The following DECR1 variants were observed in gnomAD, a reference collection of about 807,000 sequenced individuals.
The protein encoded by DECR1 is 2,4-dienoyl-CoA reductase 1, also known as 2,4-dienoyl-CoA reductase [(3E)-enoyl-CoA-producing], mitochondrial.
DECR1 carries 44 observed loss-of-function variants against 38.8 expected under a neutral mutation model. That is an observed-to-expected ratio of 1.13 (90% CI 0.89 to 1.46). The LOEUF is 1.46. Ranked by LOEUF, DECR1 falls within the 40% of genes most tolerant of loss-of-function variation. DECR1 has a pLI of 0.00. For synonymous variants in DECR1, 148 were observed against 135.2 expected, an observed-to-expected ratio of 1.09 and a Z score of -0.66; for missense variants, 428 against 405.5, an observed-to-expected ratio of 1.06 and a Z score of -0.48.
intron 1 of DECR1, among the ~76,000 whole-genome samples, chr8:90,007,920 A>G (rs1214021235): frequency 2.0e-5 from 3 of 152,228 alleles, no homozygotes; most frequent in Non-Finnish European, 4.4e-5. Context: ...GTAAGTCTAG[A>G]ATACAAGGTC....
intron 1 of DECR1, among the ~76,000 whole-genome samples, chr8:90,007,645 G>A (rs924886470): frequency 6.6e-6 from 1 of 152,010 alleles, no homozygotes; most frequent in African/African-American, 2.4e-5. Context: ...AAACTACAAA[G>A]CAAACTTTAT....
At position 90,036,841 on chromosome 8, in the gene DECR1, G is replaced by A; in HGVS notation, c.566G>A (p.Gly189Glu). ...IGKQLIKAQKGAAFLSITTIY... is the reference protein window; with the variant it reads ...IGKQLIKAQKEAAFLSITTIY... ...CAACTGTATCCTTTTAAAATTTCAGGAGCAGCATTTCTTTCTATTACTACT... is the reference window on the plus strand; with the variant it reads ...CAACTGTATCCTTTTAAAATTTCAGAAGCAGCATTTCTTTCTATTACTACT... Residue 189 changes from glycine to glutamate, a missense_variant and splice_region_variant, in exon 6 of 10, where the codon GGA (glycine) becomes GAA (glutamate). Physicochemically the swap from Gly to Glu is moderately conservative, Grantham distance 98 (BLOSUM62 -2). Coordinates refer to ENST00000220764, the MANE Select transcript of DECR1 (RefSeq NM_001359.2). 6.2e-7 allele frequency: 1 copy of A among 1,607,118 alleles called. No individual in the cohort carries two copies. Among genetic ancestry groups the A allele is most frequent in the East Asian group, 2.2e-5 (1 of 44,814 alleles).
chr8:90,022,272 T>A (rs1476203145), intron 5 of DECR1, among the ~76,000 whole-genome samples: 2 of 152,134 alleles, frequency 1.3e-5, no homozygotes, highest in Non-Finnish European at 2.9e-5. Flanking sequence ...TTTCTTCTTT[T>A]GTGCAGCGCA....
At chr8:90,022,895 G>A (rs547902940) in intron 5 of DECR1, among the ~76,000 whole-genome samples, 1 of 151,818 alleles carries the variant, frequency 6.6e-6, no homozygotes, top group Non-Finnish European at 1.5e-5. Context: ...CATCACATTG[G>A]ATTAAAATTC....
At chr8:90,047,917 C>T (rs529990919) in intron 8 of DECR1, among the ~76,000 whole-genome samples, 75 of 152,208 alleles carry the variant, frequency 4.9e-4, no homozygotes, top group South Asian at 8.3e-4. Flanking sequence ...AACTGAACAA[C>T]CTGTTCCTGA....
Position 90,017,339 on chromosome 8 carries a change from C to T in DECR1, c.272+13C>T, listed in dbSNP as rs1055874075. ...TGATAGCCAGCCGGTAAGTCCCTTA[C>T]ATCAAGCCTATTGGCGACGCTTTTG... On this transcript the variant is annotated intron_variant, in intron 2 of 9. Transcript: ENST00000220764. 2 of 1,607,736 alleles carry T rather than the reference C, an allele frequency of 1.2e-6. No individual in the cohort carries two copies. The highest frequency in any genetic ancestry group is 1.1e-5 in the South Asian group (1 of 90,018).
At chr8:90,018,801 T>G in intron 2 of DECR1, 108 bp from the exon 3 acceptor site, 1 of 880,712 alleles carries the variant, frequency 1.1e-6, no homozygotes, top group African/African-American at 1.7e-5. Context: ...ATAAATAACA[T>G]CTATACTTTC....
intron 1 of DECR1, 130 bp downstream of exon 1, chr8:90,001,691 T>G (rs1586128400): frequency 1.3e-6 from 1 of 751,894 alleles, no homozygotes. Context: ...GGACAGGGCG[T>G]CCCGGGGGTT....
rs1480958235 is a variant in DECR1, at chr8:90,017,284, C to G, written c.230C>G (p.Thr77Ser). The G allele has an allele frequency of 6.2e-7, 1 of 1,614,180 alleles. No homozygotes were observed. The highest frequency in any genetic ancestry group is 1.7e-5 in the Admixed American group (1 of 60,020). The change falls in exon 2 of 10, where the codon ACT (threonine) becomes AGT (serine). Residue 77 changes from threonine to serine, a missense_variant. Transcript: ENST00000220764. ...GGTGLGKGMT[T>S]LLSSLGAQCV... Reference sequence around the variant, plus strand: ...ACTGGCCTTGGTAAAGGAATGACAACTCTTCTGTCCAGCCTAGGTGCTCAG... The same window carrying G: ...ACTGGCCTTGGTAAAGGAATGACAAGTCTTCTGTCCAGCCTAGGTGCTCAG...
At chr8:90,004,639 G>T (rs1387147669) in intron 1 of DECR1, among the ~76,000 whole-genome samples, 1 of 152,098 alleles carries the variant, frequency 6.6e-6, no homozygotes, top group African/African-American at 2.4e-5. Context: ...AAACCAACTA[G>T]ATGTGTTTTC....
At chr8:90,001,825 C>G (rs1382247117) in intron 1 of DECR1, among the ~76,000 whole-genome samples, 1 of 150,206 alleles carries the variant, frequency 6.7e-6, no homozygotes, top group Non-Finnish European at 1.5e-5. Flanking sequence ...TTCTGGAGCG[C>G]TAAGAGAGCA....
At chr8:90,049,440 G>A (rs1229736825) in intron 8 of DECR1, among the ~76,000 whole-genome samples, 2 of 152,088 alleles carry the variant, frequency 1.3e-5, no homozygotes, top group South Asian at 2.1e-4. Flanking sequence ...GCTTCAAAGA[G>A]AATAAAATAC....
At position 90,001,522 on chromosome 8, in the gene DECR1, T is replaced by C. The variant is rs1812609275; in HGVS notation, c.30T>C (p.Thr10=). The C allele has an allele frequency of 5.6e-6, 9 of 1,613,822 alleles. No individual in the cohort carries two copies. The East Asian group carries it at 1.8e-4, about 32-fold the overall frequency. MKLPARVFF[T]LGSRLPCGLA... is the part of the protein sequence containing the mutation. ...AGCTACCGGCCAGGGTTTTCTTTAC[T>C]CTGGGGTCCCGGCTGCCCTGTGGCC... The change falls in exon 1 of 10, where the codon ACT becomes ACC. Residue 10 remains threonine, a synonymous_variant. Transcript: ENST00000220764.
intron 6 of DECR1, 71 bp downstream of exon 6, chr8:90,037,011 C>G: frequency 9.4e-7 from 1 of 1,058,988 alleles, no homozygotes; most frequent in South Asian, 1.3e-5. Flanking sequence ...AACTGTATTC[C>G]TGCTTTCTGG....
intron 6 of DECR1, among the ~76,000 whole-genome samples, chr8:90,038,112 T>C (rs1226633044): frequency 6.6e-6 from 1 of 152,240 alleles, no homozygotes; most frequent in Admixed American, 6.5e-5. Context: ...AGGGATATGA[T>C]AGTGATGGAA....
chr8:90,027,815 G>A (rs1471417663), intron 5 of DECR1, among the ~76,000 whole-genome samples: 10 of 151,390 alleles, frequency 6.6e-5, no homozygotes, highest in South Asian at 2.1e-4. Flanking sequence ...GTTAATATAA[G>A]CCTTCTTTCT....
chr8:90,028,660 A>T (rs915279302), intron 5 of DECR1, among the ~76,000 whole-genome samples: 10 of 151,794 alleles, frequency 6.6e-5, no homozygotes, highest in Admixed American at 6.6e-4. Flanking sequence ...TTTTAACCAA[A>T]TTTTCACTTA....
chr8:90,001,760 G>A (rs1258023066), intron 1 of DECR1, among the ~76,000 whole-genome samples, 199 bp downstream of exon 1: 1 of 151,794 alleles, frequency 6.6e-6, no homozygotes, highest in Non-Finnish European at 1.5e-5. Flanking sequence ...GGCGTCCCGG[G>A]GCCTCGGGGA....
intron 1 of DECR1, among the ~76,000 whole-genome samples, chr8:90,002,736 T>C (rs1812647081): frequency 6.6e-6 from 1 of 152,238 alleles, no homozygotes; most frequent in South Asian, 2.1e-4. Flanking sequence ...TAAGGTATCT[T>C]TCTTTTAAAA....
Sources: gnomAD v4.1 joint callset for allele counts (sites outside exome capture counted in the v4.1 genomes callset) on GRCh38, gnomAD v4.1.1 for gene constraint, MANE v1.5 for transcripts, NCBI Gene and HGNC (gene_info 2026-07-23, HGNC 2026-07-21) for gene names.